AGBL4: variants seen among roughly 807,000 people sequenced by gnomAD.
AGBL4 encodes the protein AGBL carboxypeptidase 4, also known as cytosolic carboxypeptidase 6.
Under a neutral mutation model 66.4 loss-of-function variants are expected in AGBL4, and 58 were observed. The ratio of observed to expected loss-of-function variants is 0.87; its 90% CI spans 0.71 to 1.09. The LOEUF is 1.09. Ranked by LOEUF, AGBL4 falls within the 50% of genes least tolerant of loss-of-function variation. The pLI, the probability that AGBL4 is intolerant of heterozygous loss-of-function variation, is 0.00. For synonymous variants in AGBL4, 234 were observed against 222.9 expected, an observed-to-expected ratio of 1.05 and a Z score of -0.44; for missense variants, 579 against 631.0, an observed-to-expected ratio of 0.92 and a Z score of 0.88.
intron 2 of AGBL4, among the ~76,000 whole-genome samples, chr1:49,719,289 T>C (rs1015917636): frequency 1.3e-5 from 2 of 152,132 alleles, no homozygotes; most frequent in African/African-American, 4.8e-5. Flanking sequence ...CTAAAACAAT[T>C]CCCACAATAA....
At chr1:48,755,707 G>C (rs1203517205) in intron 6 of AGBL4, among the ~76,000 whole-genome samples, 1 of 152,140 alleles carries the variant, frequency 6.6e-6, no homozygotes, top group Non-Finnish European at 1.5e-5. Context: ...CTTTCCAAGA[G>C]AGACTTCTCC....
rs113261150 is a variant in AGBL4, at chr1:49,045,835, A to G, written c.378-35T>C. ...ATAAACAAAGAAATTTGGGCATATG[A>G]GACATTCGTTCAAGCTTCAAAAGGT... On this transcript the variant is annotated intron_variant, in intron 4 of 13. Transcript: ENST00000371839. The G allele has an allele frequency of 1.6e-3, 2,420 of 1,508,888 alleles. 8 individuals carry two copies. Among genetic ancestry groups the G allele is most frequent in the South Asian group, 2.5e-3 (201 of 81,834 alleles). 93.5% of individuals were successfully genotyped at this position (1,508,888 alleles called of 1,614,324 possible).
chr1:49,438,889 C>T (rs1175268943), intron 3 of AGBL4, among the ~76,000 whole-genome samples: 1 of 152,134 alleles, frequency 6.6e-6, no homozygotes, highest in Non-Finnish European at 1.5e-5. Flanking sequence ...TATAAAAGTG[C>T]CAGCATCTTG....
intron 5 of AGBL4, among the ~76,000 whole-genome samples, chr1:48,986,769 A>G (rs1388054135): frequency 1.3e-5 from 2 of 152,124 alleles, no homozygotes; most frequent in Non-Finnish European, 2.9e-5. Flanking sequence ...AATACATAAG[A>G]ATATGTCTTA....
At chr1:49,530,221 TA>T (rs1232002558) in intron 3 of AGBL4, among the ~76,000 whole-genome samples, 4 of 138,500 alleles carry the variant, frequency 2.9e-5, no homozygotes, top group Non-Finnish European at 6.1e-5. Flanking sequence ...ATTATTGTTT[TA>T]AAAAGTTTCC....
At chr1:48,598,784 T>C (rs1645033853) in intron 9 of AGBL4, among the ~76,000 whole-genome samples, 1 of 151,990 alleles carries the variant, frequency 6.6e-6, no homozygotes. Context: ...CCTCATTAAA[T>C]TTATTTTAAA....
At chr1:49,875,883 T>A (rs971758322) in intron 1 of AGBL4, among the ~76,000 whole-genome samples, 9 of 150,170 alleles carry the variant, frequency 6.0e-5, no homozygotes, top group Non-Finnish European at 8.9e-5. Context: ...ATTGCGGTTT[T>A]GATTTGCATT....
intron 2 of AGBL4, among the ~76,000 whole-genome samples, chr1:49,836,490 G>A (rs535150487): frequency 6.6e-6 from 1 of 152,186 alleles, no homozygotes; most frequent in East Asian, 1.9e-4. Flanking sequence ...CTTTTTGCAA[G>A]AGTCTTAGCT....
At chr1:49,891,736 A>C (rs1158870158) in intron 1 of AGBL4, among the ~76,000 whole-genome samples, 6 of 152,198 alleles carry the variant, frequency 3.9e-5, no homozygotes, top group Non-Finnish European at 8.8e-5. Context: ...AACAGAATTG[A>C]TAAGACAAGA....
intron 3 of AGBL4, among the ~76,000 whole-genome samples, chr1:49,497,851 T>C (rs1647749668): frequency 6.6e-6 from 1 of 152,052 alleles, no homozygotes. Context: ...GTTTTGGCTA[T>C]TTCAAGTCTT....
At chr1:49,374,711 A>G (rs945648389) in intron 3 of AGBL4, among the ~76,000 whole-genome samples, 5 of 152,082 alleles carry the variant, frequency 3.3e-5, no homozygotes, top group African/African-American at 1.2e-4. Flanking sequence ...TAGATTTCCT[A>G]TATATTGCTT....
chr1:48,716,597 G>C (rs1475091346), intron 6 of AGBL4, among the ~76,000 whole-genome samples: 3 of 152,192 alleles, frequency 2.0e-5, no homozygotes, highest in African/African-American at 7.2e-5. Flanking sequence ...TGCCCATGGG[G>C]CTGAAGGAAC....
chr1:49,591,307 A>G (rs897535648), intron 3 of AGBL4, among the ~76,000 whole-genome samples: 2 of 152,118 alleles, frequency 1.3e-5, no homozygotes, highest in African/African-American at 4.8e-5. Flanking sequence ...ACAAATTATC[A>G]CAATGGGGAA....
intron 2 of AGBL4, among the ~76,000 whole-genome samples, chr1:49,732,741 A>G (rs1649551377): frequency 6.6e-6 from 1 of 152,168 alleles, no homozygotes; most frequent in African/African-American, 2.4e-5. Context: ...AACACTTTTG[A>G]AGAAAAATGA....
intron 2 of AGBL4, among the ~76,000 whole-genome samples, chr1:49,757,757 T>C (rs1651998098): frequency 6.6e-6 from 1 of 152,074 alleles, no homozygotes; most frequent in African/African-American, 2.4e-5. Context: ...GCAGAAGAAA[T>C]TTCTAAGCAG....
chr1:49,151,761 T>C lies in AGBL4; in HGVS notation c.377+94009A>G, dbSNP rs190772970. Among the ~76,000 whole-genome samples the C allele has an allele frequency of 2.1e-4, 32 of 152,306 alleles. No homozygotes were observed. In the East Asian group the frequency reaches 4.4e-3, roughly 21 times the overall value. ...CAACGTGTAGTAGCATATTTCAGTG[T>C]TGTAAAAAGTCCTGCTGTAAAGAAT... On this transcript the variant is annotated intron_variant, in intron 4 of 13. Transcript: ENST00000371839.
intron 4 of AGBL4, among the ~76,000 whole-genome samples, chr1:49,068,197 A>T (rs1344674763): frequency 6.6e-6 from 1 of 151,648 alleles, no homozygotes; most frequent in Non-Finnish European, 1.5e-5. Context: ...ATAATGGTTC[A>T]TTTTCTTTTT....
chr1:48,677,576 C>G (rs1462244894), intron 6 of AGBL4, among the ~76,000 whole-genome samples: 3 of 152,200 alleles, frequency 2.0e-5, no homozygotes, highest in Non-Finnish European at 4.4e-5. Context: ...GCACTCTGAT[C>G]TCTGTCCTGC....
At chr1:49,631,765 G>C (rs1012177121) in intron 3 of AGBL4, among the ~76,000 whole-genome samples, 6 of 152,210 alleles carry the variant, frequency 3.9e-5, no homozygotes, top group African/African-American at 1.4e-4. Context: ...GAGGAAGAAA[G>C]AAGAACTGAA....
Sources: allele counts gnomAD v4.1 joint callset (sites outside exome capture counted in the v4.1 genomes callset), GRCh38; gene constraint gnomAD v4.1.1; transcripts MANE v1.5; gene names NCBI Gene and HGNC (gene_info 2026-07-23, HGNC 2026-07-21).